IQCM: variants seen among roughly 807,000 people sequenced by gnomAD.
IQCM encodes IQ domain-containing protein M.
A neutral mutation model predicts 57.6 loss-of-function variants in IQCM; 45 were observed. The ratio of observed to expected loss-of-function variants is 0.78; its 90% CI spans 0.62 to 1.00. IQCM has a LOEUF of 1.00. Ranked by LOEUF, IQCM falls within the 50% of genes least tolerant of loss-of-function variation. The pLI, the probability that IQCM is intolerant of heterozygous loss-of-function variation, is 0.00. For synonymous variants in IQCM, 148 were observed against 158.9 expected, an observed-to-expected ratio of 0.93 and a Z score of 0.51; for missense variants, 468 against 511.6, an observed-to-expected ratio of 0.91 and a Z score of 0.82.
intron 2 of IQCM, among the ~76,000 whole-genome samples, chr4:149,759,788 A>C (rs1485413790): frequency 2.0e-5 from 3 of 152,152 alleles, no homozygotes; most frequent in African/African-American, 7.2e-5. Flanking sequence ...ATTGTCTTAA[A>C]TATGTTTATT....
At chr4:149,460,403 A>T (rs995777003) in intron 12 of IQCM, among the ~76,000 whole-genome samples, 1 of 152,160 alleles carries the variant, frequency 6.6e-6, no homozygotes, top group Non-Finnish European at 1.5e-5. Context: ...CCATTAAAAA[A>T]TTTCATAATC....
chr4:149,741,292 C>A (rs1156255525), intron 3 of IQCM, among the ~76,000 whole-genome samples: 1 of 152,038 alleles, frequency 6.6e-6, no homozygotes, highest in African/African-American at 2.4e-5. Context: ...TTATTTGCAC[C>A]AAGAAATGCT....
intron 9 of IQCM, among the ~76,000 whole-genome samples, chr4:149,579,084 T>C (rs1039461442): frequency 2.6e-5 from 4 of 151,846 alleles, no homozygotes; most frequent in African/African-American, 9.7e-5. Flanking sequence ...AACTTATGTG[T>C]GTTCTGTCTC....
intron 9 of IQCM, among the ~76,000 whole-genome samples, chr4:149,585,624 A>G (rs1327009515): frequency 6.6e-6 from 1 of 151,632 alleles, no homozygotes; most frequent in African/African-American, 2.4e-5. Flanking sequence ...TTTTTAAATC[A>G]CTAAAGCCAC....
At chr4:149,439,330 T>C (rs1212796649) in intron 12 of IQCM, among the ~76,000 whole-genome samples, 1 of 152,238 alleles carries the variant, frequency 6.6e-6, no homozygotes, top group East Asian at 1.9e-4. Flanking sequence ...TTTTTGCTTG[T>C]TTGCTTAATA....
At chr4:149,625,058 C>T (rs2654821) in intron 7 of IQCM, among the ~76,000 whole-genome samples, 69,330 of 151,988 alleles carry the variant, frequency 0.46, 16,069 homozygotes, top group South Asian at 0.58. Context: ...TTAGCAGTTC[C>T]TAGTTTGATT....
At chr4:149,685,295 GA>G (rs1170655809) in intron 6 of IQCM, among the ~76,000 whole-genome samples, 1 of 151,398 alleles carries the variant, frequency 6.6e-6, no homozygotes, top group Non-Finnish European at 1.5e-5. Context: ...ACTCTTTTAG[GA>G]GCTACCAATT....
intron 13 of IQCM, among the ~76,000 whole-genome samples, chr4:149,390,855 G>C (rs1731799949): frequency 6.6e-6 from 1 of 151,600 alleles, no homozygotes; most frequent in African/African-American, 2.4e-5. Flanking sequence ...ATATTCACAA[G>C]GAATATTTGT....
chr4:149,565,322 T>G (rs1016388631), intron 9 of IQCM, among the ~76,000 whole-genome samples: 5 of 152,190 alleles, frequency 3.3e-5, no homozygotes, highest in African/African-American at 1.2e-4. Context: ...CTTGTTCTGT[T>G]TTGTACATGG....
chr4:149,734,710 G>T (rs1766773555), intron 4 of IQCM, among the ~76,000 whole-genome samples: 1 of 151,914 alleles, frequency 6.6e-6, no homozygotes, highest in African/African-American at 2.4e-5. Flanking sequence ...CACAATAGTT[G>T]CCCCTTCCCC....
chr4:149,575,519 T>G (rs150854429), intron 9 of IQCM, among the ~76,000 whole-genome samples: 1 of 151,888 alleles, frequency 6.6e-6, no homozygotes, highest in East Asian at 1.9e-4. Flanking sequence ...TTTAAAATAG[T>G]TTAAGTACCT....
Position 149,708,206 on chromosome 4 carries a change from C to T in IQCM, c.386-21738G>A, listed in dbSNP as rs553505789. Among the ~76,000 whole-genome samples the T allele has an allele frequency of 5.0e-4, 76 of 152,144 alleles. 5 individuals carry two copies. The South Asian group carries it at 0.016, about 31-fold the overall frequency. ...TGATCCTGAGCTGATCCCAGATCTG[C>T]TACACTAATTGTAAAGCAAGTTATT... On this transcript the variant is annotated intron_variant, in intron 5 of 13. Coordinates refer to ENST00000636793, the MANE Select transcript of IQCM (RefSeq NM_001363507.2).
intron 7 of IQCM, among the ~76,000 whole-genome samples, chr4:149,645,685 C>G (rs1758569671): frequency 6.6e-6 from 1 of 152,130 alleles, no homozygotes; most frequent in Middle Eastern, 3.4e-3. Context: ...TTTAGTATAT[C>G]AAATGTGCAT....
chr4:149,695,364 C>G (rs1277930150), intron 5 of IQCM, among the ~76,000 whole-genome samples: 1 of 152,114 alleles, frequency 6.6e-6, no homozygotes, highest in East Asian at 1.9e-4. Flanking sequence ...ATTCCAAATA[C>G]AGCGCTATGA....
intron 12 of IQCM, among the ~76,000 whole-genome samples, chr4:149,440,147 T>C (rs904923101): frequency 2.1e-5 from 3 of 144,144 alleles, no homozygotes; most frequent in African/African-American, 5.3e-5. Context: ...TTTTTTTTTT[T>C]AGTAGAGACG....
At chr4:149,808,386 A>C (rs1774268119) in intron 2 of IQCM, among the ~76,000 whole-genome samples, 1 of 152,136 alleles carries the variant, frequency 6.6e-6, no homozygotes, top group African/African-American at 2.4e-5. Context: ...AGAATAGAAT[A>C]GTGGTTACTA....
intron 7 of IQCM, among the ~76,000 whole-genome samples, chr4:149,657,788 T>C (rs936468863): frequency 6.6e-6 from 1 of 152,056 alleles, no homozygotes; most frequent in African/African-American, 2.4e-5. Context: ...TATGTGTTGC[T>C]CATTTGTATG....
At chr4:149,503,508 T>C (rs1202710477) in intron 12 of IQCM, among the ~76,000 whole-genome samples, 2 of 152,088 alleles carry the variant, frequency 1.3e-5, no homozygotes, top group Non-Finnish European at 2.9e-5. Flanking sequence ...AAATGACACC[T>C]ATAGAGTTTT....
chr4:149,447,150 G>T (rs1331815948), intron 12 of IQCM, among the ~76,000 whole-genome samples: 1 of 151,490 alleles, frequency 6.6e-6, no homozygotes, highest in East Asian at 1.9e-4. Context: ...TAATATAGTA[G>T]ATGGAAGAAG....
Sources: allele counts gnomAD v4.1 joint callset (sites outside exome capture counted in the v4.1 genomes callset), GRCh38; gene constraint gnomAD v4.1.1; transcripts MANE v1.5; gene names NCBI Gene and HGNC (gene_info 2026-07-23, HGNC 2026-07-21).